The following MVB12B variants were observed in gnomAD, a reference collection of about 807,000 sequenced individuals.
MVB12B encodes ESCRT-I complex subunit MVB12B.
MVB12B carries 16 observed loss-of-function variants against 41.6 expected under a neutral mutation model. The observed-to-expected ratio is 0.38, with a 90% CI of 0.26 to 0.58. The LOEUF (loss-of-function observed/expected upper bound fraction) is 0.58. MVB12B is among the 20% of genes least tolerant of loss of function. MVB12B has a pLI of 0.62. For synonymous variants in MVB12B, 133 were observed against 139.7 expected (o/e 0.95, Z 0.34); for missense variants, 274 against 380.2 (o/e 0.72, Z 2.32).
intron 9 of MVB12B, among the ~76,000 whole-genome samples, chr9:126,500,705 T>C (rs1833936681): frequency 6.6e-6 from 1 of 152,228 alleles, no homozygotes; most frequent in African/African-American, 2.4e-5. Flanking sequence ...ATCCACGCCG[T>C]AGGCCCTCAG....
chr9:126,433,333 CCCTTTGATACACCAGGTATCA>C (rs1272538299), intron 7 of MVB12B, among the ~76,000 whole-genome samples: 1 of 148,856 alleles, frequency 6.7e-6, no homozygotes, highest in Non-Finnish European at 1.5e-5. Context: ...ACCAGGTATC[CCCTTTGATACACCAGGTATCA>C]AAGAACCTCT....
At chr9:126,383,026 T>C (rs905496146) in intron 3 of MVB12B, among the ~76,000 whole-genome samples, 1 of 152,186 alleles carries the variant, frequency 6.6e-6, no homozygotes, top group Non-Finnish European at 1.5e-5. Context: ...GTGGTGCATA[T>C]TGTTTTTGGA....
At chr9:126,344,485 G>T (rs1024673703) in intron 2 of MVB12B, among the ~76,000 whole-genome samples, 1 of 152,178 alleles carries the variant, frequency 6.6e-6, no homozygotes, top group African/African-American at 2.4e-5. Flanking sequence ...GTTCTTCAGC[G>T]CCAGCTTTCT....
rs1334291066 is a variant in MVB12B at position 126,506,314 on chromosome 9, G to C, written c.*3051G>C. 4 of 151,822 alleles carry C rather than the reference G, an allele frequency of 2.6e-5. No individual in the cohort carries two copies. The East Asian group carries it at 7.7e-4, about 29-fold the overall frequency. The allele number at this position is 151,822 out of a possible 1,614,324, so 9.4% of individuals were successfully genotyped here. ...ATTCCCCCTAAAAACAGAGTGACCT[G>C]GAAGTAGATGTTCTTTGCTCCTTGT... On this transcript the variant is annotated 3_prime_UTR_variant, in exon 10 of 10. Transcript: ENST00000361171.
rs1564309781 is a variant in MVB12B at position 126,398,770 on chromosome 9, G to GCTGCCTT, written c.662+3073_662+3074insCTGCCTT. ...GGCCCAGGCCAGCCAGGAGGACCTA[G>GCTGCCTT]GAAGCGGTGGGTCACAGATCTTGCT... On this transcript the variant is annotated intron_variant, in intron 6 of 9. Coordinates refer to ENST00000361171, the MANE Select transcript of MVB12B (RefSeq NM_033446.3). 2.8e-3 allele frequency among the ~76,000 whole-genome samples: 420 copies of GCTGCCTT among 152,348 alleles called. 1 individual carries two copies. Among genetic ancestry groups the GCTGCCTT allele is most frequent in the African/African-American group, 9.7e-3 (405 of 41,558 alleles).
intron 9 of MVB12B, among the ~76,000 whole-genome samples, chr9:126,494,562 C>CT (rs1469006188): frequency 6.6e-6 from 1 of 152,196 alleles, no homozygotes; most frequent in Admixed American, 6.5e-5. Context: ...TTTTCCTACC[C>CT]TTTTCTTATG....
Position 126,421,929 on chromosome 9 carries a change from C to T in MVB12B, c.738C>T (p.Ser246=), listed in dbSNP as rs1297073231. The part of the protein sequence containing the change: ...STRTDYEYQH[S]NLYAISAMDG... Reference sequence around the variant, plus strand: ...GGACGGACTACGAGTACCAGCACTCCAATTTGTATGCCATATCAGGTATGT... The same window carrying T: ...GGACGGACTACGAGTACCAGCACTCTAATTTGTATGCCATATCAGGTATGT... The change falls in exon 7 of 10, where the codon TCC becomes TCT. Residue 246 remains serine, a synonymous_variant. Coordinates refer to ENST00000361171, the MANE Select transcript of MVB12B (RefSeq NM_033446.3). 1.9e-6 allele frequency: 3 copies of T among 1,613,716 alleles called. No individual in the cohort carries two copies. Among genetic ancestry groups the T allele is most frequent in the East Asian group, 4.5e-5 (2 of 44,848 alleles).
intron 2 of MVB12B, among the ~76,000 whole-genome samples, chr9:126,341,851 T>C (rs899872484): frequency 6.6e-6 from 1 of 152,092 alleles, no homozygotes; most frequent in Admixed American, 6.5e-5. Flanking sequence ...CATTGAGAAC[T>C]GCAATGGTCA....
rs76404526 is a variant in MVB12B, at chr9:126,336,024, C to T, written c.82-4484C>T. On this transcript the variant is annotated intron_variant, in intron 1 of 9. Coordinates refer to ENST00000361171, the MANE Select transcript of MVB12B (RefSeq NM_033446.3). The stretch of plus-strand genomic sequence containing the variant: ...AGCTGGCCTCACCATGGCAGGAGGC[C>T]GAGATGGTGGGAGGCTGGAACGTGG... 1.2e-4 allele frequency among the ~76,000 whole-genome samples: 19 copies of T among 152,348 alleles called. 1 individual carries two copies. In the East Asian group the frequency reaches 3.5e-3, roughly 28 times the overall value.
Position 126,344,047 on chromosome 9 carries a change from T to TAAAA in MVB12B, c.204+3432_204+3435dup, listed in dbSNP as rs80127150. On this transcript the variant is annotated intron_variant, in intron 2 of 9. Coordinates refer to ENST00000361171, the MANE Select transcript of MVB12B (RefSeq NM_033446.3). ...TTCCTTGAAAATATACTTTTCTTGG[T>TAAAA]AAAAAAAAAAAAAAAAAATAGCAAC... Among the ~76,000 whole-genome samples, 891 of 128,772 alleles carry TAAAA rather than the reference T, an allele frequency of 6.9e-3. 10 individuals are homozygous for TAAAA. Among genetic ancestry groups the TAAAA allele is most frequent in the African/African-American group, 0.022 (750 of 34,636 alleles). The allele number at this position is 128,772 out of a possible 152,430, so 84.5% of individuals were successfully genotyped here.
chr9:126,341,276 T>C (rs1217597508), intron 2 of MVB12B, among the ~76,000 whole-genome samples: 2 of 152,248 alleles, frequency 1.3e-5, no homozygotes, highest in African/African-American at 4.8e-5. Flanking sequence ...TGGTGTTCAG[T>C]AGTCCTGATG....
At chr9:126,397,220 G>T in intron 6 of MVB12B, 1 of 985,488 alleles carries the variant, frequency 1.0e-6, no homozygotes, top group South Asian at 4.7e-5. Flanking sequence ...CCAGAAATGG[G>T]CACCACCTCA....
rs779808005 is a variant in MVB12B, at chr9:126,340,358, G to T, written c.82-150G>T. ...ATTTGAATTCTTGACCTGGGGAAAGGGTCACATAGGGTCAGGACTCATTCA... is the reference window on the plus strand; with the variant it reads ...ATTTGAATTCTTGACCTGGGGAAAGTGTCACATAGGGTCAGGACTCATTCA... On this transcript the variant is annotated intron_variant, in intron 1 of 9. Coordinates refer to ENST00000361171, the MANE Select transcript of MVB12B (RefSeq NM_033446.3). The surrounding 1 kb of genome is among the most constrained non-coding windows in gnomAD (Gnocchi z 4.0). The T allele has an allele frequency of 9.7e-6, 7 of 723,114 alleles. No individual in the cohort carries two copies. The highest frequency in any genetic ancestry group is 1.6e-5 in the Non-Finnish European group (7 of 451,434). The allele number at this position is 723,114 out of a possible 1,614,324, so 44.8% of individuals were successfully genotyped here. A position where few individuals can be genotyped will look rare whatever the true frequency, so the allele number is the denominator to read the frequency against.
At chr9:126,334,717 G>A (rs1829228176) in intron 1 of MVB12B, among the ~76,000 whole-genome samples, 1 of 152,146 alleles carries the variant, frequency 6.6e-6, no homozygotes, top group African/African-American at 2.4e-5. Context: ...GAGTGGACAT[G>A]GACTACCCTC....
intron 6 of MVB12B, among the ~76,000 whole-genome samples, chr9:126,418,279 G>A (rs917196057): frequency 1.6e-4 from 25 of 152,312 alleles, no homozygotes; most frequent in South Asian, 1.0e-3. Flanking sequence ...GGACAAGAAA[G>A]TTTGGTCCCG....
At chr9:126,420,163 T>C (rs1274968048) in intron 6 of MVB12B, among the ~76,000 whole-genome samples, 1 of 152,250 alleles carries the variant, frequency 6.6e-6, no homozygotes, top group African/African-American at 2.4e-5. Flanking sequence ...GCACTCAGTT[T>C]TTCTTGTTCT....
chr9:126,397,077 GCTGAGGCCCATCACTTGTA>G (rs1202944139), intron 6 of MVB12B: 2 of 985,422 alleles, frequency 2.0e-6, no homozygotes, highest in Non-Finnish European at 2.4e-6. Context: ...CATCACCTGT[GCTGAGGCCCATCACTTGTA>G]CTTGGAGCAG....
chr9:126,405,206 G>A, intron 6 of MVB12B, among the ~76,000 whole-genome samples: 1 of 151,870 alleles, frequency 6.6e-6, no homozygotes, highest in Non-Finnish European at 1.5e-5. Context: ...ATTTCTGAGT[G>A]TCTTATTTTT....
chr9:126,482,864 CTCT>C (rs753361722), intron 8 of MVB12B, among the ~76,000 whole-genome samples: 1 of 152,262 alleles, frequency 6.6e-6, no homozygotes, highest in Non-Finnish European at 1.5e-5. Flanking sequence ...GCGCTCCCTG[CTCT>C]TCTCAGTGCA....
Sources: gnomAD v4.1 joint callset for allele counts (sites outside exome capture counted in the v4.1 genomes callset) on GRCh38, gnomAD v4.1.1 for gene constraint, Gnocchi (gnomAD v3.1) non-coding constraint, MANE v1.5 for transcripts, NCBI Gene and HGNC (gene_info 2026-07-23, HGNC 2026-07-21) for gene names.